The following WWOX variants were observed in gnomAD, a reference collection of about 807,000 sequenced individuals.
WWOX encodes WW domain containing oxidoreductase.
A neutral mutation model predicts 46.2 loss-of-function variants in WWOX; 69 were observed. The observed-to-expected ratio is 1.49, with a 90% confidence interval of 1.23 to 1.82. The LOEUF is 1.82. WWOX is among the 40% of genes most tolerant of loss of function. WWOX has a pLI of 0.00. For missense variants in WWOX, 919 were observed against 542.6 expected, an observed-to-expected ratio of 1.69 and a Z score of -6.89; for synonymous variants, 359 against 202.6, an observed-to-expected ratio of 1.77 and a Z score of -6.56.
At chr16:78,562,047 C>A (rs1037893669) in intron 8 of WWOX, among the ~76,000 whole-genome samples, 1 of 152,068 alleles carries the variant, frequency 6.6e-6, no homozygotes, top group Non-Finnish European at 1.5e-5. Flanking sequence ...TGTTTTTAGC[C>A]CCGTGGAGGC....
intron 5 of WWOX, among the ~76,000 whole-genome samples, chr16:78,182,900 G>A (rs757748792): frequency 4.7e-5 from 7 of 147,626 alleles, no homozygotes; most frequent in East Asian, 2.0e-4. Flanking sequence ...GCAGTGAGCC[G>A]AGATTGCGCC....
chr16:78,270,026 T>A (rs1410834480), intron 5 of WWOX, among the ~76,000 whole-genome samples: 2 of 151,278 alleles, frequency 1.3e-5, no homozygotes, highest in Non-Finnish European at 1.5e-5. Flanking sequence ...TCAGCAGAAA[T>A]GATGTGTATG....
chr16:79,157,165 G>A (rs887843743), intron 8 of WWOX, among the ~76,000 whole-genome samples: 1 of 152,208 alleles, frequency 6.6e-6, no homozygotes, highest in Admixed American at 6.5e-5. Flanking sequence ...GAGAAAAAGT[G>A]AGCAAGAAAT....
chr16:78,789,312 G>A (rs60091668), intron 8 of WWOX, among the ~76,000 whole-genome samples: 34,568 of 151,968 alleles, frequency 0.23, 4,242 homozygotes, highest in East Asian at 0.33. Context: ...TCCATTTTAC[G>A]TCAATTTTTC....
intron 8 of WWOX, among the ~76,000 whole-genome samples, chr16:78,546,804 A>T (rs1282109189): frequency 6.6e-6 from 1 of 152,092 alleles, no homozygotes; most frequent in African/African-American, 2.4e-5. Flanking sequence ...GAGCCTAGAA[A>T]ACCTGGGCAC....
At chr16:78,578,257 TA>T (rs1567657265) in intron 8 of WWOX, among the ~76,000 whole-genome samples, 733 of 29,242 alleles carry the variant, frequency 0.025, 30 homozygotes, top group African/African-American at 0.054. Flanking sequence ...CCAAATTTTA[TA>T]TATATATATA....
intron 8 of WWOX, among the ~76,000 whole-genome samples, chr16:78,693,329 C>G (rs574527912): frequency 1.3e-4 from 20 of 152,280 alleles, no homozygotes; most frequent in African/African-American, 4.8e-4. Flanking sequence ...CTGCATATCT[C>G]AGAGGAATTT....
chr16:78,747,417 C>T (rs2049374726), intron 8 of WWOX, among the ~76,000 whole-genome samples: 1 of 152,080 alleles, frequency 6.6e-6, no homozygotes, highest in Non-Finnish European at 1.5e-5. Flanking sequence ...CCCTGACCAT[C>T]CTACTTAAGT....
At chr16:79,087,600 G>C (rs2048877006) in intron 8 of WWOX, among the ~76,000 whole-genome samples, 1 of 152,206 alleles carries the variant, frequency 6.6e-6, no homozygotes, top group African/African-American at 2.4e-5. Context: ...GCACTGGGGA[G>C]TTGACTTCAT....
intron 8 of WWOX, among the ~76,000 whole-genome samples, chr16:79,076,542 A>C (rs2048660341): frequency 6.6e-6 from 1 of 152,178 alleles, no homozygotes; most frequent in African/African-American, 2.4e-5. Flanking sequence ...GAACCATCTA[A>C]GCTAACTCTC....
At chr16:78,513,247 A>G (rs8050778) in intron 8 of WWOX, among the ~76,000 whole-genome samples, 8,745 of 152,294 alleles carry the variant, frequency 0.057, 848 homozygotes, top group African/African-American at 0.2. Flanking sequence ...AAGATGCTAA[A>G]TTATCTCTTC....
intron 8 of WWOX, among the ~76,000 whole-genome samples, chr16:78,561,178 C>T (rs1291085430): frequency 6.6e-6 from 1 of 152,162 alleles, no homozygotes; most frequent in East Asian, 1.9e-4. Context: ...AGGCAACCCA[C>T]ATTCCTTGAC....
chr16:78,751,883 A>C (rs2049489428), intron 8 of WWOX, among the ~76,000 whole-genome samples: 1 of 152,092 alleles, frequency 6.6e-6, no homozygotes, highest in South Asian at 2.1e-4. Context: ...ATTTTAGAGT[A>C]AGACTGGAGG....
At chr16:78,929,983 G>A (rs1246703431) in intron 8 of WWOX, among the ~76,000 whole-genome samples, 3 of 152,100 alleles carry the variant, frequency 2.0e-5, no homozygotes, top group South Asian at 2.1e-4. Flanking sequence ...CTCTGTGACC[G>A]TGTGACCATG....
chr16:78,683,856 G>T (rs935129797), intron 8 of WWOX, among the ~76,000 whole-genome samples: 8 of 152,084 alleles, frequency 5.3e-5, no homozygotes, highest in African/African-American at 1.9e-4. Flanking sequence ...GGCGTCTTTG[G>T]TCACAAGGAA....
chr16:78,106,633 C>T lies in WWOX; in HGVS notation c.108-1790C>T, dbSNP rs540547780. 5.9e-5 allele frequency among the ~76,000 whole-genome samples: 9 copies of T among 152,044 alleles called. No individual in the cohort carries two copies. In the South Asian group the frequency reaches 8.3e-4, roughly 14 times the overall value. On this transcript the variant is annotated intron_variant, in intron 1 of 8. Coordinates refer to ENST00000566780, the MANE Select transcript of WWOX (RefSeq NM_016373.4). ...GTTTCTCCATGTTGTTCAGGCTGGT[C>T]GCGAACTCCTGACCTCAGGTAATCC... is the stretch of plus-strand genomic sequence containing the variant.
chr16:78,701,977 G>A (rs1260888565), intron 8 of WWOX, among the ~76,000 whole-genome samples: 2 of 138,904 alleles, frequency 1.4e-5, no homozygotes, highest in African/African-American at 2.8e-5. Context: ...TTGAGCCCAG[G>A]AGTTGGAGAC....
At chr16:78,403,578 C>G (rs1331927383) in intron 6 of WWOX, among the ~76,000 whole-genome samples, 1 of 152,054 alleles carries the variant, frequency 6.6e-6, no homozygotes, top group Non-Finnish European at 1.5e-5. Flanking sequence ...GGGTAAAATG[C>G]TTTGAGGGTT....
At chr16:78,125,840 C>G (rs2033338077) in intron 4 of WWOX, among the ~76,000 whole-genome samples, 1 of 152,002 alleles carries the variant, frequency 6.6e-6, no homozygotes, top group African/African-American at 2.4e-5. Context: ...AGGTGTTAGG[C>G]TAGATTAGCT....
Sources: gnomAD v4.1 joint callset for allele counts (sites outside exome capture counted in the v4.1 genomes callset) on GRCh38, gnomAD v4.1.1 for gene constraint, MANE v1.5 for transcripts, NCBI Gene and HGNC (gene_info 2026-07-23, HGNC 2026-07-21) for gene names.